Variants in SHISA9 observed in about 807,000 individuals in gnomAD.
SHISA9 encodes the protein shisa family member 9, also known as protein shisa-9.
Under a neutral mutation model 38.0 loss-of-function variants are expected in SHISA9, and 13 were observed. The ratio of observed to expected loss-of-function variants is 0.34; its 90% CI spans 0.22 to 0.54. The LOEUF (loss-of-function observed/expected upper bound fraction) is 0.54. Among genes scored for constraint, SHISA9 ranks in the 20% least tolerant of loss-of-function variants. The probability of loss-of-function intolerance (pLI) is 0.91; values close to 1 mark genes in which losing one functional copy is unlikely to be tolerated. For missense variants in SHISA9, 538 were observed against 575.8 expected (o/e 0.93, Z 0.67); for synonymous variants, 275 against 242.0 (o/e 1.14, Z -1.27).
chr16:13,409,111 G>A, the SHISA9 span, among the ~76,000 whole-genome samples: 4 of 152,182 alleles, frequency 2.6e-5, no homozygotes, highest in Admixed American at 1.3e-4. Flanking sequence ...AGGAAAAGAC[G>A]AAGAGAAGGA....
the SHISA9 span, among the ~76,000 whole-genome samples, chr16:13,405,163 T>C: frequency 6.6e-6 from 1 of 152,194 alleles, no homozygotes; most frequent in African/African-American, 2.4e-5. Flanking sequence ...TATTATCCTA[T>C]AATTGGTTCA....
chr16:13,234,903 T>C lies in SHISA9; in HGVS notation c.896-127T>C, dbSNP rs987498401. 9 of 1,129,634 alleles carry C rather than the reference T, an allele frequency of 8.0e-6. No individual in the cohort carries two copies. In the African/African-American group the frequency reaches 1.4e-4, roughly 18 times the overall value. 70.0% of individuals were successfully genotyped at this position (1,129,634 alleles called of 1,614,324 possible). A position where few individuals can be genotyped will look rare whatever the true frequency, so the allele number is the denominator to read the frequency against. ...TAGGTGGAGTTTCTAGTGTGTCTTG[T>C]TTGGACTGTTGGCCCATTTTTATGC... On this transcript the variant is annotated intron_variant, in intron 4 of 4. Transcript: ENST00000558583.
chr16:13,045,366 G>A (rs1023821364), intron 2 of SHISA9, among the ~76,000 whole-genome samples: 2 of 152,210 alleles, frequency 1.3e-5, no homozygotes, highest in African/African-American at 2.4e-5. Flanking sequence ...GCAAGGATTC[G>A]AGTGCAGGAA....
the SHISA9 span, among the ~76,000 whole-genome samples, chr16:13,454,179 T>G: frequency 6.6e-6 from 1 of 152,328 alleles, no homozygotes; most frequent in East Asian, 1.9e-4. Flanking sequence ...TGCACAATTA[T>G]AAAAGGTTGA....
At chr16:13,530,076 AC>A in the SHISA9 span, among the ~76,000 whole-genome samples, 2 of 152,202 alleles carry the variant, frequency 1.3e-5, no homozygotes, top group Admixed American at 6.5e-5. Context: ...AGGTGGGTGG[AC>A]CACTTGAGGT....
chr16:13,016,947 G>A (rs2072764510), intron 2 of SHISA9, among the ~76,000 whole-genome samples: 1 of 152,004 alleles, frequency 6.6e-6, no homozygotes, highest in African/African-American at 2.4e-5. Context: ...AGGGGCCTGT[G>A]AATGTGTACA....
chr16:12,965,780 G>A (rs2071969936), intron 2 of SHISA9, among the ~76,000 whole-genome samples: 1 of 152,182 alleles, frequency 6.6e-6, no homozygotes, highest in Non-Finnish European at 1.5e-5. Flanking sequence ...AATATAAAAT[G>A]AGATGATATA....
chr16:13,374,138 C>CT, the SHISA9 span, among the ~76,000 whole-genome samples: 7 of 150,494 alleles, frequency 4.7e-5, no homozygotes, highest in South Asian at 2.1e-4. Context: ...TGGCTTATTT[C>CT]TTTTTTTTGT....
At chr16:13,432,452 C>T in the SHISA9 span, among the ~76,000 whole-genome samples, 3 of 152,260 alleles carry the variant, frequency 2.0e-5, no homozygotes, top group South Asian at 2.1e-4. Context: ...ATGATTCAAA[C>T]GGAGGGTGAT....
At chr16:12,916,966 A>G (rs1356449326) in intron 2 of SHISA9, among the ~76,000 whole-genome samples, 151 bp downstream of exon 2, 1 of 152,154 alleles carries the variant, frequency 6.6e-6, no homozygotes, top group Non-Finnish European at 1.5e-5. Flanking sequence ...ATGAAGCTGA[A>G]TTTAGCATCA....
chr16:13,222,101 A>C (rs1212400729), intron 4 of SHISA9, among the ~76,000 whole-genome samples: 2 of 152,106 alleles, frequency 1.3e-5, no homozygotes, highest in Non-Finnish European at 2.9e-5. Flanking sequence ...CCCATTATAA[A>C]ACCATCAGAT....
intron 2 of SHISA9, among the ~76,000 whole-genome samples, chr16:13,188,830 T>C (rs2050855026): frequency 6.6e-6 from 1 of 151,878 alleles, no homozygotes; most frequent in African/African-American, 2.4e-5. Context: ...AATATTATAT[T>C]GAAGTCCTAT....
intron 2 of SHISA9, among the ~76,000 whole-genome samples, chr16:13,165,013 A>C (rs1476241822): frequency 1.3e-5 from 2 of 151,948 alleles, no homozygotes; most frequent in Non-Finnish European, 1.5e-5. Flanking sequence ...GATTGCTTTT[A>C]TGATTTCTGG....
At chr16:13,017,900 T>C (rs1187066710) in intron 2 of SHISA9, among the ~76,000 whole-genome samples, 1 of 152,226 alleles carries the variant, frequency 6.6e-6, no homozygotes, top group Non-Finnish European at 1.5e-5. Flanking sequence ...TCAATCCCCT[T>C]GTTCAATGAA....
the SHISA9 span, among the ~76,000 whole-genome samples, chr16:13,476,643 G>A: frequency 8.6e-5 from 13 of 151,650 alleles, no homozygotes; most frequent in Non-Finnish European, 4.4e-5. Context: ...GACACCCAGG[G>A]ATCAGGACTC....
chr16:13,177,363 C>A (rs1189299372), intron 2 of SHISA9, among the ~76,000 whole-genome samples: 1 of 152,110 alleles, frequency 6.6e-6, no homozygotes, highest in Admixed American at 6.5e-5. Flanking sequence ...GAGGTCTGAT[C>A]CTGTTGTGCA....
chr16:13,241,435 G>A (rs949807801), downstream of SHISA9, among the ~76,000 whole-genome samples: 6 of 151,326 alleles, frequency 4.0e-5, no homozygotes, highest in African/African-American at 1.5e-4. Context: ...TAACTTGGGA[G>A]GCGGAGGTTG....
chr16:13,469,592 C>T, the SHISA9 span, among the ~76,000 whole-genome samples: 3 of 152,154 alleles, frequency 2.0e-5, no homozygotes, highest in Admixed American at 1.3e-4. Flanking sequence ...ATGACTCTGG[C>T]TCTTGTTCTC....
chr16:13,437,780 G>T, the SHISA9 span, among the ~76,000 whole-genome samples: 2 of 150,788 alleles, frequency 1.3e-5, no homozygotes, highest in Non-Finnish European at 3.0e-5. Context: ...TATCAGTGAG[G>T]ACAGCAAAAA....
Sources: gnomAD v4.1 joint callset for allele counts (sites outside exome capture counted in the v4.1 genomes callset) on GRCh38, gnomAD v4.1.1 for gene constraint, MANE v1.5 for transcripts, NCBI Gene and HGNC (gene_info 2026-07-23, HGNC 2026-07-21) for gene names.